Variants in GLRX3 observed in about 807,000 individuals in gnomAD.
The protein encoded by GLRX3 is glutaredoxin 3.
In GLRX3, 22 loss-of-function variants were observed where a neutral mutation model predicts 49.5. That is an observed-to-expected ratio of 0.44 (90% CI 0.32 to 0.63). The LOEUF is 0.63. GLRX3 is among the 30% of genes least tolerant of loss of function. The probability of loss-of-function intolerance (pLI) is 0.05; values close to 1 mark genes in which losing one functional copy is unlikely to be tolerated. For missense variants in GLRX3, 385 were observed against 396.3 expected, an observed-to-expected ratio of 0.97 and a Z score of 0.24; for synonymous variants, 133 against 140.0, an observed-to-expected ratio of 0.95 and a Z score of 0.35.
intron 1 of GLRX3, among the ~76,000 whole-genome samples, chr10:130,137,950 C>G (rs768286111): frequency 6.6e-6 from 1 of 152,032 alleles, no homozygotes; most frequent in Non-Finnish European, 1.5e-5. Context: ...TGCCCAGCCT[C>G]GTCTCGACCT....
intron 1 of GLRX3, among the ~76,000 whole-genome samples, chr10:130,140,475 A>G: frequency 6.6e-6 from 1 of 152,360 alleles, no homozygotes; most frequent in Non-Finnish European, 1.5e-5. Context: ...AGCATTAAAT[A>G]GGAGAATATT....
At chr10:130,161,414 G>A (rs975062400) in intron 4 of GLRX3, among the ~76,000 whole-genome samples, 3 of 152,088 alleles carry the variant, frequency 2.0e-5, no homozygotes, top group African/African-American at 7.2e-5. Context: ...TTTTCACCTA[G>A]TTCAGATTCA....
chr10:130,140,944 G>C (rs985095477), intron 1 of GLRX3, among the ~76,000 whole-genome samples: 12 of 152,196 alleles, frequency 7.9e-5, no homozygotes, highest in African/African-American at 2.9e-4. Context: ...TGATACTTAT[G>C]TGTAAGAAAT....
chr10:130,136,694 C>T (rs1862059526), intron 1 of GLRX3, among the ~76,000 whole-genome samples, 182 bp downstream of exon 1: 1 of 152,194 alleles, frequency 6.6e-6, no homozygotes, highest in Admixed American at 6.5e-5. Flanking sequence ...GTGGCCCGAG[C>T]CGCAGGTTCC....
At chr10:130,179,990 T>G (rs1862994055), downstream of GLRX3, 1 of 152,500 alleles carries the variant, frequency 6.6e-6, no homozygotes, top group Admixed American at 6.5e-5. Flanking sequence ...GAAAATGATT[T>G]CTCATTGAAT....
chr10:130,137,412 A>G (rs1862080717), intron 1 of GLRX3, among the ~76,000 whole-genome samples: 1 of 152,178 alleles, frequency 6.6e-6, no homozygotes, highest in Admixed American at 6.5e-5. Flanking sequence ...AGACTACTCC[A>G]AGGACTGAGT....
chr10:130,148,694 T>A (rs916627405), intron 2 of GLRX3, among the ~76,000 whole-genome samples: 1 of 152,070 alleles, frequency 6.6e-6, no homozygotes, highest in Non-Finnish European at 1.5e-5. Context: ...TCTTTGGAAT[T>A]GAATGCTGAA....
At chr10:130,162,186 G>A (rs537074241) in intron 4 of GLRX3, among the ~76,000 whole-genome samples, 2 of 152,250 alleles carry the variant, frequency 1.3e-5, no homozygotes, top group African/African-American at 2.4e-5. Flanking sequence ...GTCCATGTTG[G>A]TCAGGCTGGT....
intron 6 of GLRX3, among the ~76,000 whole-genome samples, chr10:130,167,920 G>A (rs1198862848): frequency 6.6e-6 from 1 of 152,166 alleles, no homozygotes; most frequent in Non-Finnish European, 1.5e-5. Flanking sequence ...GCGTCTTCAT[G>A]TGTGGTTCTT....
At chr10:130,154,667 T>C (rs1862441012) in intron 2 of GLRX3, among the ~76,000 whole-genome samples, 1 of 152,126 alleles carries the variant, frequency 6.6e-6, no homozygotes, top group Non-Finnish European at 1.5e-5. Context: ...CTCTCCTTAG[T>C]CTTGCAGCTC....
chr10:130,159,901 A>T (rs1862541165), intron 2 of GLRX3, 94 bp from the exon 3 acceptor site: 3 of 1,255,344 alleles, frequency 2.4e-6, no homozygotes, highest in Non-Finnish European at 3.4e-6. Context: ...AATGCCAGCT[A>T]CTTGAAGGGA....
chr10:130,162,383 G>T (rs765154840), intron 4 of GLRX3, among the ~76,000 whole-genome samples: 11 of 152,196 alleles, frequency 7.2e-5, no homozygotes, highest in Non-Finnish European at 1.2e-4. Flanking sequence ...AACTTAGTCT[G>T]TACTAAACTA....
intron 8 of GLRX3, among the ~76,000 whole-genome samples, chr10:130,173,828 CATTT>C (rs1413116159): frequency 6.6e-6 from 1 of 152,114 alleles, no homozygotes; most frequent in African/African-American, 2.4e-5. Context: ...TTTATCCCGT[CATTT>C]AGTTTTTTTG....
intron 4 of GLRX3, among the ~76,000 whole-genome samples, chr10:130,163,821 G>A (rs140826811): frequency 1.6e-3 from 238 of 152,328 alleles, no homozygotes; most frequent in African/African-American, 5.3e-3. Context: ...CGTAGGCAAA[G>A]CTCCCTTTAT....
At chr10:130,169,807 G>A (rs1231547011) in intron 7 of GLRX3, among the ~76,000 whole-genome samples, 1 of 152,252 alleles carries the variant, frequency 6.6e-6, no homozygotes, top group Non-Finnish European at 1.5e-5. Flanking sequence ...GTGGACTGCT[G>A]AAGTGTGCAG....
intron 2 of GLRX3, among the ~76,000 whole-genome samples, chr10:130,153,942 C>T (rs1375474220): frequency 6.6e-6 from 1 of 152,208 alleles, no homozygotes; most frequent in Non-Finnish European, 1.5e-5. Flanking sequence ...CTGTGGTGGG[C>T]TTCACCCAGT....
In GLRX3 at chr10:130,159,826, G is replaced by A; in HGVS notation, c.202-169G>A. ...ACACTGCAAACTCAGTGGATGACAT[G>A]CCAGCCCAGTGAGTCTCATTTAAAT... On this transcript the variant is annotated intron_variant, in intron 2 of 10. Coordinates refer to ENST00000331244, the MANE Select transcript of GLRX3 (RefSeq NM_006541.5). 2.2e-6 allele frequency: 3 copies of A among 1,359,614 alleles called. No individual in the cohort carries two copies. The South Asian group carries it at 5.7e-5, about 26-fold the overall frequency. 84.2% of individuals were successfully genotyped at this position (1,359,614 alleles called of 1,614,324 possible).
At chr10:130,172,444 C>T (rs1208882277) in intron 8 of GLRX3, among the ~76,000 whole-genome samples, 1 of 152,104 alleles carries the variant, frequency 6.6e-6, no homozygotes, top group East Asian at 1.9e-4. Flanking sequence ...AAAACAAAAG[C>T]ACTTATTTGG....
intron 10 of GLRX3, among the ~76,000 whole-genome samples, chr10:130,176,926 C>T (rs1862935375): frequency 6.6e-6 from 1 of 152,114 alleles, no homozygotes; most frequent in Non-Finnish European, 1.5e-5. Context: ...AAGATACAAT[C>T]AATAAATCTC....
Sources: allele counts gnomAD v4.1 joint callset (sites outside exome capture counted in the v4.1 genomes callset), GRCh38; gene constraint gnomAD v4.1.1; transcripts MANE v1.5; gene names NCBI Gene and HGNC (gene_info 2026-07-23, HGNC 2026-07-21).